Variants in MAPKAPK3 observed in about 807,000 individuals in gnomAD.
MAPKAPK3 encodes the protein MAP kinase-activated protein kinase 3.
In MAPKAPK3, 35 loss-of-function variants were observed where a neutral mutation model predicts 49.2. That is an observed-to-expected ratio of 0.71 (90% CI 0.54 to 0.94). MAPKAPK3 has a LOEUF of 0.94. Ranked by LOEUF, MAPKAPK3 falls within the 40% of genes least tolerant of loss-of-function variation. MAPKAPK3 has a pLI of 0.00. For missense variants in MAPKAPK3, 398 were observed against 493.1 expected (o/e 0.81, Z 1.83); for synonymous variants, 178 against 188.7 (o/e 0.94, Z 0.46).
intron 5 of MAPKAPK3, among the ~76,000 whole-genome samples, chr3:50,643,765 A>G (rs531971424): frequency 1.3e-4 from 19 of 151,968 alleles, no homozygotes; most frequent in South Asian, 1.0e-3. Flanking sequence ...CCATCCTTCT[A>G]CCAACACCCC....
rs769849788 is a variant in MAPKAPK3, at chr3:50,646,704, A to G, written c.830-36A>G. 115 of 1,296,176 alleles carry G rather than the reference A, an allele frequency of 8.9e-5. 1 individual carries two copies. The East Asian group carries it at 1.4e-3, about 16-fold the overall frequency. The allele number at this position is 1,296,176 out of a possible 1,614,324, so 80.3% of individuals were successfully genotyped here. On this transcript the variant is annotated intron_variant, in intron 8 of 10. Coordinates refer to ENST00000621469, the MANE Select transcript of MAPKAPK3 (RefSeq NM_001243925.2). ...GAAGGGTGGAGGGGCTGGCTCTGCAATCTCATCTCTCCCCTCTCTTCCCTG... is the reference window on the plus strand; with the variant it reads ...GAAGGGTGGAGGGGCTGGCTCTGCAGTCTCATCTCTCCCCTCTCTTCCCTG...
In MAPKAPK3 at chr3:50,647,186, C is replaced by T; in HGVS notation, c.979C>T (p.His327Tyr). Residue 327 changes from histidine to tyrosine, a missense_variant, in exon 10 of 11, where the codon CAC (histidine) becomes TAC (tyrosine). This residue lies in a region of MAPKAPK3 where 152 missense variants were observed against 177.3 expected (regional missense o/e 0.86). Transcript: ENST00000621469. ...CCGAGTGCTGCAGGAGGACAAAGAC[C>T]ACTGGGACGAAGTCAAGGTGGGTGG... ...TARVLQEDKD[H>Y]WDEVKEEMTS... 6.3e-7 allele frequency: 1 copy of T among 1,593,882 alleles called. No individual in the cohort carries two copies. The highest frequency in any genetic ancestry group is 8.5e-7 in the Non-Finnish European group (1 of 1,170,068).
At chr3:50,627,127 T>G (rs1307015244) in intron 2 of MAPKAPK3, among the ~76,000 whole-genome samples, 9 of 140,050 alleles carry the variant, frequency 6.4e-5, no homozygotes, top group African/African-American at 2.2e-4. Flanking sequence ...GAGGTTGCAG[T>G]GAGCTGAGAT....
chr3:50,615,102 A>G (rs2032429545), upstream of MAPKAPK3, among the ~76,000 whole-genome samples: 1 of 152,204 alleles, frequency 6.6e-6, no homozygotes, highest in Non-Finnish European at 1.5e-5. Flanking sequence ...TCAGCTGCCT[A>G]GCCTTCTGCT....
chr3:50,625,465 G>A (rs1277997491), intron 2 of MAPKAPK3, among the ~76,000 whole-genome samples: 1 of 152,208 alleles, frequency 6.6e-6, no homozygotes, highest in Non-Finnish European at 1.5e-5. Flanking sequence ...AAATCCTGCT[G>A]TGTGGGAACC....
chr3:50,611,942 G>T, exon 1 of MAPKAPK3: 3 of 427,756 alleles, frequency 7.0e-6, no homozygotes, highest in Non-Finnish European at 1.2e-5. Flanking sequence ...GGGTGCGCGG[G>T]CCCCGTCGCC....
chr3:50,646,884 C>T lies in MAPKAPK3; in HGVS notation c.915+59C>T, dbSNP rs1576017469. The T allele has an allele frequency of 4.5e-6, 7 of 1,551,704 alleles. No individual in the cohort carries two copies. In the East Asian group the frequency reaches 1.6e-4, roughly 35 times the overall value. On this transcript the variant is annotated intron_variant, in intron 9 of 10. Transcript: ENST00000621469. The stretch of plus-strand genomic sequence containing the variant: ...GTCCAACAGGAGTGGGGCTGCCGGG[C>T]AGGAGGGTGGTGGCTCTGCTTTGAG...
chr3:50,625,737 G>A (rs555867066), intron 2 of MAPKAPK3, among the ~76,000 whole-genome samples: 5 of 152,014 alleles, frequency 3.3e-5, no homozygotes, highest in African/African-American at 4.8e-5. Flanking sequence ...TCCTGCTATC[G>A]CTCTGTCCCC....
intron 2 of MAPKAPK3, among the ~76,000 whole-genome samples, chr3:50,633,356 C>A (rs1474141162): frequency 1.3e-5 from 2 of 151,832 alleles, no homozygotes; most frequent in Non-Finnish European, 2.9e-5. Context: ...ACACCCACCC[C>A]CATACTCCCC....
At chr3:50,647,262 CA>C in intron 10 of MAPKAPK3, 59 bp downstream of exon 10, 1 of 1,433,850 alleles carries the variant, frequency 7.0e-7, no homozygotes, top group Admixed American at 2.0e-5. Flanking sequence ...AAAGGGACTT[CA>C]GGGGGGTGGC....
At chr3:50,633,791 G>T (rs1250968954) in intron 2 of MAPKAPK3, among the ~76,000 whole-genome samples, 1 of 152,196 alleles carries the variant, frequency 6.6e-6, no homozygotes, top group African/African-American at 2.4e-5. Flanking sequence ...ATGAGATAAG[G>T]GACAGCAGAG....
chr3:50,642,456 G>C, intron 5 of MAPKAPK3, 124 bp downstream of exon 5: 1 of 709,620 alleles, frequency 1.4e-6, no homozygotes, highest in Non-Finnish European at 2.5e-6. Flanking sequence ...CAAAGCCTCT[G>C]CTCTGTGTCC....
intron 4 of MAPKAPK3, among the ~76,000 whole-genome samples, chr3:50,641,999 G>T (rs1352598784): frequency 1.3e-5 from 2 of 152,200 alleles, no homozygotes; most frequent in African/African-American, 4.8e-5. Flanking sequence ...TCTTGATGCT[G>T]TCTCGCAGTT....
chr3:50,611,625 G>A (rs1213366674), upstream of MAPKAPK3: 2 of 1,519,922 alleles, frequency 1.3e-6, no homozygotes, highest in Admixed American at 2.1e-5. Context: ...AGAGAGCCGC[G>A]CTTACCCCTG....
At chr3:50,613,253 A>C (rs1239261719), upstream of MAPKAPK3, among the ~76,000 whole-genome samples, 3 of 152,226 alleles carry the variant, frequency 2.0e-5, no homozygotes, top group Non-Finnish European at 2.9e-5. Context: ...CAGGGAAGAC[A>C]GGGCTCAGTT....
At chr3:50,643,540 T>G (rs2033222614) in intron 5 of MAPKAPK3, among the ~76,000 whole-genome samples, 1 of 152,236 alleles carries the variant, frequency 6.6e-6, no homozygotes, top group Admixed American at 6.5e-5. Flanking sequence ...TTACAGCTGC[T>G]GCATAAGGTC....
Position 50,646,792 on chromosome 3 carries a change from C to T in MAPKAPK3, c.882C>T (p.Thr294=). ...LLKTDPTERL[T]ITQFMNHPWI... ...AGACAGACCCCACAGAGAGGCTGAC[C>T]ATCACTCAGTTCATGAACCACCCCT... The change falls in exon 9 of 11, where the codon ACC becomes ACT. Residue 294 remains threonine (T), a synonymous_variant. Coordinates refer to ENST00000621469, the MANE Select transcript of MAPKAPK3 (RefSeq NM_001243925.2). The T allele has an allele frequency of 6.2e-7, 1 of 1,614,036 alleles. No individual in the cohort carries two copies. Among genetic ancestry groups the T allele is most frequent in the South Asian group, 1.1e-5 (1 of 91,082 alleles).
chr3:50,627,861 G>A (rs1367303900), intron 2 of MAPKAPK3, among the ~76,000 whole-genome samples: 1 of 152,152 alleles, frequency 6.6e-6, no homozygotes, highest in Non-Finnish European at 1.5e-5. Flanking sequence ...AAGCCTGGAT[G>A]GCTAGTGCCC....
At chr3:50,611,890 G>A (rs1022174453), upstream of MAPKAPK3, 2 of 537,138 alleles carry the variant, frequency 3.7e-6, no homozygotes, top group African/African-American at 4.0e-5. Context: ...CCCGGAAGCA[G>A]CGTCTTCCTA....
Sources: allele counts gnomAD v4.1 joint callset (sites outside exome capture counted in the v4.1 genomes callset), GRCh38; gene constraint gnomAD v4.1.1; regional missense constraint gnomAD v4.1.1; transcripts MANE v1.5; gene names NCBI Gene and HGNC (gene_info 2026-07-23, HGNC 2026-07-21).